The following HIBCH variants were observed in gnomAD, a reference collection of about 807,000 sequenced individuals.
HIBCH encodes 3-hydroxyisobutyryl-CoA hydrolase.
Under a neutral mutation model 58.2 loss-of-function variants are expected in HIBCH, and 50 were observed. The observed-to-expected ratio is 0.86, with a 90% confidence interval of 0.68 to 1.09. The LOEUF (loss-of-function observed/expected upper bound fraction) is 1.09. Among genes scored for constraint, HIBCH ranks in the 50% least tolerant of loss-of-function variants. HIBCH has a pLI of 0.00. For synonymous variants in HIBCH, 151 were observed against 146.9 expected, an observed-to-expected ratio of 1.03 and a Z score of -0.20; for missense variants, 450 against 449.7, an observed-to-expected ratio of 1.00 and a Z score of -0.01.
At position 190,209,274 on chromosome 2, in the gene HIBCH, T is replaced by TA. The variant is rs1690463389; in HGVS notation, c.1012-362dup. Among the ~76,000 whole-genome samples the TA allele has an allele frequency of 6.6e-6, 1 of 152,150 alleles. No homozygotes were observed. The highest frequency in any genetic ancestry group is 6.5e-5 in the Admixed American group (1 of 15,270). On this transcript the variant is annotated intron_variant, in intron 12 of 13. Coordinates refer to ENST00000359678, the MANE Select transcript of HIBCH (RefSeq NM_014362.4). The surrounding 1 kb of genome is among the most constrained non-coding windows in gnomAD (Gnocchi z 5.6). ...CTCCCTCAAACCTTTTTTCCTTTTT[T>TA]ACAATCCTAGCAAAATCCTGGCACC... is the stretch of plus-strand genomic sequence containing the variant.
chr2:190,205,567 A>G (rs1437022984), intron 13 of HIBCH, among the ~76,000 whole-genome samples: 11 of 152,174 alleles, frequency 7.2e-5, no homozygotes, highest in Admixed American at 6.5e-4. Context: ...ACATTACAAA[A>G]CAGGTAAAAC....
intron 6 of HIBCH, among the ~76,000 whole-genome samples, chr2:190,274,902 G>A (rs1687506788): frequency 6.6e-6 from 1 of 152,188 alleles, no homozygotes; most frequent in Non-Finnish European, 1.5e-5. Context: ...TACAAATAGA[G>A]ATTTCCTTTC....
In HIBCH at chr2:190,304,045, T is replaced by C. The variant is rs2124843836; in HGVS notation, c.78+6709A>G. ...AAAATTGTCAAGGGCATGAAAAATA[T>C]GGAAAGATAAGTTGAGAAACTATCA... On this transcript the variant is annotated intron_variant, in intron 2 of 13. Transcript: ENST00000359678. The surrounding 1 kb of genome is among the most constrained non-coding windows in gnomAD (Gnocchi z 4.1). 6.6e-6 allele frequency among the ~76,000 whole-genome samples: 1 copy of C among 152,048 alleles called. No individual in the cohort carries two copies. Among genetic ancestry groups the C allele is most frequent in the South Asian group, 2.1e-4 (1 of 4,812 alleles).
rs531718204 is a variant in HIBCH at position 190,217,151 on chromosome 2, G to A, written c.892-4076C>T. ...CCAAAGGCACCCTGGGAAGCCAGCT[G>A]GTCAGTCCCTTGCCTCCCCAAGTTC... On this transcript the variant is annotated intron_variant, in intron 11 of 13. Transcript: ENST00000359678. This position sits in a 1 kb window ranked among gnomAD's most constrained non-coding sequence, Gnocchi z 4.6. Among the ~76,000 whole-genome samples, 6 of 152,176 alleles carry A rather than the reference G, an allele frequency of 3.9e-5. No homozygotes were observed. Among genetic ancestry groups the A allele is most frequent in the Non-Finnish European group, 1.5e-5 (1 of 68,028 alleles).
At chr2:190,305,610 C>CAAGAT in intron 2 of HIBCH, among the ~76,000 whole-genome samples, 1 of 152,038 alleles carries the variant, frequency 6.6e-6, no homozygotes, top group South Asian at 2.1e-4. Context: ...GACTAGGACT[C>CAAGAT]CAACATATGA....
intron 11 of HIBCH, among the ~76,000 whole-genome samples, chr2:190,235,499 T>C (rs1174159384): frequency 6.6e-6 from 1 of 152,226 alleles, no homozygotes; most frequent in Non-Finnish European, 1.5e-5. Context: ...TATAAATATA[T>C]GATTTCTGTA....
chr2:190,218,032 T>C (rs1330032126), intron 11 of HIBCH, among the ~76,000 whole-genome samples: 1 of 151,252 alleles, frequency 6.6e-6, no homozygotes, highest in Non-Finnish European at 1.5e-5. Context: ...GTACTAGGGG[T>C]GGAAAGTAGG....
At chr2:190,314,258 G>T (rs1168923706) in intron 1 of HIBCH, among the ~76,000 whole-genome samples, 3 of 122,820 alleles carry the variant, frequency 2.4e-5, no homozygotes, top group Non-Finnish European at 5.0e-5. Context: ...AAAAATCTGT[G>T]GACCAGTTAC....
At position 190,228,727 on chromosome 2, in the gene HIBCH, C is replaced by T. The variant is rs141532949; in HGVS notation, c.892-15652G>A. On this transcript the variant is annotated intron_variant, in intron 11 of 13. Transcript: ENST00000359678. ...TAAGTGGCTCAACCCATTTATCTGA[C>T]CCTTTAAAGATTTGTTTAAAGATTA... is the stretch of plus-strand genomic sequence containing the variant. 3.7e-3 allele frequency among the ~76,000 whole-genome samples: 560 copies of T among 152,218 alleles called. 4 individuals carry two copies. The highest frequency in any genetic ancestry group is 8.3e-3 in the South Asian group (40 of 4,818).
At chr2:190,233,591 G>T (rs1258781286) in intron 11 of HIBCH, among the ~76,000 whole-genome samples, 1 of 152,120 alleles carries the variant, frequency 6.6e-6, no homozygotes, top group African/African-American at 2.4e-5. Flanking sequence ...AAATTGCCTG[G>T]TCTGGGGTAC....
At position 190,297,082 on chromosome 2, in the gene HIBCH, A is replaced by C. The variant is rs1437115651; in HGVS notation, c.79-129T>G. On this transcript the variant is annotated intron_variant, in intron 2 of 13. Coordinates refer to ENST00000359678, the MANE Select transcript of HIBCH (RefSeq NM_014362.4). ...ACTAAAGGAAAGAATAACTAGGTAC[A>C]CCTTATAAGTTTCTGAAGTTATTTA... 1.2e-5 allele frequency: 10 copies of C among 812,192 alleles called. No individual in the cohort carries two copies. The East Asian group carries it at 2.7e-4, about 22-fold the overall frequency. 50.3% of individuals were successfully genotyped at this position (812,192 alleles called of 1,614,324 possible).
At chr2:190,263,851 T>C (rs924672982) in intron 6 of HIBCH, among the ~76,000 whole-genome samples, 5 of 152,026 alleles carry the variant, frequency 3.3e-5, no homozygotes, top group African/African-American at 1.2e-4. Context: ...AACTTAAAAA[T>C]ATATCCTGGA....
At chr2:190,226,595 CAAAAAAAAAAAAA>C (rs752856547) in intron 11 of HIBCH, among the ~76,000 whole-genome samples, 58 of 29,398 alleles carry the variant, frequency 2.0e-3, no homozygotes, top group Admixed American at 8.5e-3. Flanking sequence ...AACTCCGTCT[CAAAAAAAAAAAAA>C]AAAAAAAAAA....
chr2:190,240,133 C>CT (rs1686408769), intron 11 of HIBCH, among the ~76,000 whole-genome samples: 1 of 152,024 alleles, frequency 6.6e-6, no homozygotes, highest in African/African-American at 2.4e-5. Flanking sequence ...TAGTCCTGGG[C>CT]TTTTTTTGGT....
chr2:190,276,540 A>G (rs890924602), intron 6 of HIBCH, among the ~76,000 whole-genome samples: 4 of 152,214 alleles, frequency 2.6e-5, no homozygotes, highest in Admixed American at 2.0e-4. Context: ...ACAGTAACGA[A>G]TAAGTTCTCG....
chr2:190,289,706 G>A (rs779270049), intron 5 of HIBCH, among the ~76,000 whole-genome samples: 2 of 151,676 alleles, frequency 1.3e-5, no homozygotes, highest in Admixed American at 1.3e-4. Context: ...TCTTAACTTC[G>A]CATGCTAGAT....
Position 190,304,993 on chromosome 2 carries a change from T to G in HIBCH, c.78+5761A>C, listed in dbSNP as rs1688365853. 6.6e-6 allele frequency among the ~76,000 whole-genome samples: 1 copy of G among 152,218 alleles called. No individual in the cohort carries two copies. Among genetic ancestry groups the G allele is most frequent in the Admixed American group, 6.5e-5 (1 of 15,284 alleles). On this transcript the variant is annotated intron_variant, in intron 2 of 13. Coordinates refer to ENST00000359678, the MANE Select transcript of HIBCH (RefSeq NM_014362.4). This position sits in a 1 kb window ranked among gnomAD's most constrained non-coding sequence, Gnocchi z 4.1. Reference sequence around the variant, plus strand: ...TTAAGTCTCTCTAACTGTGTGGTCTTGTGTAATCTTTATTCCATTGGCAAA... The same window carrying G: ...TTAAGTCTCTCTAACTGTGTGGTCTGGTGTAATCTTTATTCCATTGGCAAA...
chr2:190,191,744 T>C lies in HIBCH; in HGVS notation c.*18-1747A>G, dbSNP rs151244982. Among the ~76,000 whole-genome samples, 36 of 152,362 alleles carry C rather than the reference T, an allele frequency of 2.4e-4. No individual in the cohort carries two copies. The East Asian group carries it at 4.2e-3, about 18-fold the overall frequency. On this transcript the variant is annotated intron_variant, in intron 1 of 1. Transcript: ENST00000399855. ...ATATTGAGCATCTTTCATGTACTTATATTTGCTATCTATAGGTGGTACCAA... is the reference window on the plus strand; with the variant it reads ...ATATTGAGCATCTTTCATGTACTTACATTTGCTATCTATAGGTGGTACCAA...
intron 8 of HIBCH, chr2:190,250,421 T>C (rs1389765802): frequency 2.1e-6 from 1 of 468,140 alleles, no homozygotes; most frequent in Non-Finnish European, 4.4e-6. Flanking sequence ...TTATCTTTTG[T>C]ACCCACTTCT....
Sources: gnomAD v4.1 joint callset for allele counts (sites outside exome capture counted in the v4.1 genomes callset) on GRCh38, gnomAD v4.1.1 for gene constraint, Gnocchi (gnomAD v3.1) non-coding constraint, MANE v1.5 for transcripts, NCBI Gene and HGNC (gene_info 2026-07-23, HGNC 2026-07-21) for gene names.